MINDY2: variants seen among roughly 807,000 people sequenced by gnomAD.
The protein encoded by MINDY2 is ubiquitin carboxyl-terminal hydrolase MINDY-2.
In MINDY2, 52 loss-of-function variants were observed where a neutral mutation model predicts 68.2. The observed-to-expected ratio is 0.76, with a 90% CI of 0.61 to 0.96. The LOEUF is 0.96. Ranked by LOEUF, MINDY2 falls within the 40% of genes least tolerant of loss-of-function variation. MINDY2 has a pLI of 0.00. For synonymous variants in MINDY2, 372 were observed against 303.0 expected, an observed-to-expected ratio of 1.23 and a Z score of -2.36; for missense variants, 881 against 773.4, an observed-to-expected ratio of 1.14 and a Z score of -1.65.
intron 3 of MINDY2, among the ~76,000 whole-genome samples, chr15:58,803,945 G>GAAAAAAAA (rs34082956): frequency 1.5e-3 from 113 of 77,152 alleles, no homozygotes; most frequent in East Asian, 2.7e-3. Context: ...CAGCTCTACT[G>GAAAAAAAA]AAAAAAAAAA....
At chr15:58,821,405 TTA>T (rs1412736240) in intron 4 of MINDY2, among the ~76,000 whole-genome samples, 2 of 152,014 alleles carry the variant, frequency 1.3e-5, no homozygotes, top group African/African-American at 2.4e-5. Flanking sequence ...CTGGAATAGT[TTA>T]TGTTTTATTT....
intron 4 of MINDY2, 59 bp from the exon 5 acceptor site, chr15:58,821,658 T>C (rs910497973): frequency 2.0e-6 from 2 of 1,016,736 alleles, no homozygotes; most frequent in Non-Finnish European, 2.8e-6. Context: ...GTGATATGGC[T>C]TTCTTTTGTT....
At chr15:58,773,608 G>A (rs1416336122) in intron 1 of MINDY2, among the ~76,000 whole-genome samples, 2 of 152,056 alleles carry the variant, frequency 1.3e-5, no homozygotes, top group African/African-American at 2.4e-5. Flanking sequence ...AAATGCATTT[G>A]ATATTCAAAA....
At chr15:58,799,285 C>T (rs958245752) in intron 2 of MINDY2, among the ~76,000 whole-genome samples, 3 of 152,136 alleles carry the variant, frequency 2.0e-5, no homozygotes, top group African/African-American at 4.8e-5. Context: ...AAAGCAAACA[C>T]GGCTGGGCGC....
chr15:58,820,252 G>A (rs1202418507), intron 4 of MINDY2, among the ~76,000 whole-genome samples: 12 of 151,738 alleles, frequency 7.9e-5, no homozygotes, highest in African/African-American at 2.9e-4. Context: ...GCGACAGAGT[G>A]AGATTCCATC....
At chr15:58,832,699 G>C (rs2031799299) in intron 6 of MINDY2, among the ~76,000 whole-genome samples, 1 of 150,370 alleles carries the variant, frequency 6.7e-6, no homozygotes, top group Non-Finnish European at 1.5e-5. Context: ...GGCTAATTTT[G>C]TGTTTTTAGT....
At chr15:58,790,577 A>G (rs561294215) in intron 2 of MINDY2, among the ~76,000 whole-genome samples, 3 of 124,788 alleles carry the variant, frequency 2.4e-5, no homozygotes, top group African/African-American at 6.5e-5. Context: ...TATGTTGACA[A>G]TAGACCTTAG....
rs761014613 is a variant in MINDY2, at chr15:58,771,601, C to A, written c.206C>A (p.Pro69His). The A allele has an allele frequency of 3.7e-6, 6 of 1,611,922 alleles. No individual in the cohort carries two copies. Among genetic ancestry groups the A allele is most frequent in the Non-Finnish European group, 5.1e-6 (6 of 1,179,734 alleles). ...AGGAGCCTCCCGGACTCGGCTTCTC[C>A]CGCGGGCTCTCCTGAGGTTCCCGGA... ...ARRSLPDSAS[P>H]AGSPEVPGPC... Residue 69 changes from proline (P) to histidine (H), a missense_variant, in exon 1 of 9, where the codon CCC (proline) becomes CAC (histidine). By Grantham distance (77) the Pro-to-His change is moderately conservative. Coordinates refer to ENST00000559228, the MANE Select transcript of MINDY2 (RefSeq NM_001040450.3).
chr15:58,817,327 A>G (rs2030751081), intron 4 of MINDY2, among the ~76,000 whole-genome samples: 1 of 152,236 alleles, frequency 6.6e-6, no homozygotes, highest in Non-Finnish European at 1.5e-5. Flanking sequence ...AAAAACAGAT[A>G]TCCAAATGGC....
At chr15:58,787,140 CTTT>C (rs58374538) in intron 1 of MINDY2, among the ~76,000 whole-genome samples, 2 of 78,152 alleles carry the variant, frequency 2.6e-5, no homozygotes, top group African/African-American at 5.6e-5. Context: ...CATTTCTTTA[CTTT>C]TTTTTTTTTT....
At chr15:58,772,591 T>C (rs766834298) in intron 1 of MINDY2, among the ~76,000 whole-genome samples, 26 of 152,310 alleles carry the variant, frequency 1.7e-4, no homozygotes, top group Non-Finnish European at 3.7e-4. Flanking sequence ...AAGTGAAGAA[T>C]TGGAGAAAGT....
At chr15:58,819,121 C>T (rs28876251) in intron 4 of MINDY2, among the ~76,000 whole-genome samples, 24,398 of 152,036 alleles carry the variant, frequency 0.16, 2,187 homozygotes, top group South Asian at 0.33. Flanking sequence ...GGACTATGGA[C>T]GTGCACCACC....
intron 3 of MINDY2, among the ~76,000 whole-genome samples, chr15:58,805,413 G>A (rs1437777649): frequency 1.3e-5 from 2 of 152,170 alleles, no homozygotes; most frequent in East Asian, 1.9e-4. Context: ...TGTAATGTAA[G>A]CAAAGAGCCT....
intron 7 of MINDY2, among the ~76,000 whole-genome samples, chr15:58,850,212 A>C: frequency 6.6e-6 from 1 of 152,292 alleles, no homozygotes. Flanking sequence ...AACTAATCTG[A>C]GTGTGTACAT....
chr15:58,837,268 A>C (rs571832263), intron 6 of MINDY2, among the ~76,000 whole-genome samples: 1 of 152,298 alleles, frequency 6.6e-6, no homozygotes, highest in Non-Finnish European at 1.5e-5. Flanking sequence ...ATAAGGACAC[A>C]AATAATAATT....
At chr15:58,849,971 A>G (rs72745044) in intron 7 of MINDY2, among the ~76,000 whole-genome samples, 2,613 of 152,278 alleles carry the variant, frequency 0.017, 39 homozygotes, top group Non-Finnish European at 0.028. Flanking sequence ...TCCTGGGCTC[A>G]AGTGATGTGC....
At chr15:58,777,823 A>C (rs543336812) in intron 1 of MINDY2, among the ~76,000 whole-genome samples, 1 of 152,094 alleles carries the variant, frequency 6.6e-6, no homozygotes, top group South Asian at 2.1e-4. Context: ...GGGTCTCACT[A>C]TAGTGCCCCA....
chr15:58,787,793 G>T, intron 1 of MINDY2, 113 bp from the exon 2 acceptor site: 195 of 402,108 alleles, frequency 4.8e-4, no homozygotes, highest in Middle Eastern at 4.1e-3. Flanking sequence ...GAATGTTAAT[G>T]TATAAGTATA....
chr15:58,781,630 C>T lies in MINDY2; in HGVS notation c.841-6276C>T, dbSNP rs188161557. Among the ~76,000 whole-genome samples, 5 of 151,994 alleles carry T rather than the reference C, an allele frequency of 3.3e-5. No individual in the cohort carries two copies. The East Asian group carries it at 5.8e-4, about 18-fold the overall frequency. On this transcript the variant is annotated intron_variant, in intron 1 of 8. Transcript: ENST00000559228. ...TTTTGAAATACTGATGGTGGCGAAGCGCAGTGGCTCATGCCTGTAATCCCA... is the reference window on the plus strand; with the variant it reads ...TTTTGAAATACTGATGGTGGCGAAGTGCAGTGGCTCATGCCTGTAATCCCA...
Sources: allele counts gnomAD v4.1 joint callset (sites outside exome capture counted in the v4.1 genomes callset), GRCh38; gene constraint gnomAD v4.1.1; transcripts MANE v1.5; gene names NCBI Gene and HGNC (gene_info 2026-07-23, HGNC 2026-07-21).